The following AFF4 variants were observed in gnomAD, a reference collection of about 807,000 sequenced individuals.
AFF4 encodes ALF transcription elongation factor 4, also known as AF4/FMR2 family member 4.
A neutral mutation model predicts 124.8 loss-of-function variants in AFF4; 13 were observed. The ratio of observed to expected loss-of-function variants is 0.10; its 90% confidence interval spans 0.07 to 0.17. AFF4 has a LOEUF of 0.17. Among genes scored for constraint, AFF4 ranks in the 10% least tolerant of loss-of-function variants. The pLI is 1.00. For missense variants in AFF4, 1,092 were observed against 1,403.8 expected (o/e 0.78, Z 3.55); for synonymous variants, 477 against 496.1 (o/e 0.96, Z 0.51).
chr5:132,889,802 C>CT (rs568437572), intron 13 of AFF4, among the ~76,000 whole-genome samples: 2,252 of 152,024 alleles, frequency 0.015, 65 homozygotes, highest in African/African-American at 0.052. Flanking sequence ...ATCCACATGT[C>CT]TTTTTTTTAT....
intron 5 of AFF4, among the ~76,000 whole-genome samples, chr5:132,922,894 G>A (rs541915060): frequency 2.0e-5 from 3 of 148,618 alleles, no homozygotes; most frequent in Middle Eastern, 3.8e-3. Flanking sequence ...AAAAGAATGG[G>A]GGCCGGGCAC....
intron 5 of AFF4, among the ~76,000 whole-genome samples, chr5:132,905,048 CAA>C (rs66981854): frequency 1.4e-4 from 17 of 118,352 alleles, no homozygotes; most frequent in Admixed American, 1.8e-4. Flanking sequence ...GACTCCATCT[CAA>C]AAAAAAAAAA....
chr5:132,890,171 A>G (rs1193311729), intron 13 of AFF4, among the ~76,000 whole-genome samples: 1 of 151,052 alleles, frequency 6.6e-6, no homozygotes, highest in Non-Finnish European at 1.5e-5. Context: ...TTATATTTAT[A>G]TAAAAATATA....
At chr5:132,901,009 A>T (rs1044138280) in intron 7 of AFF4, 38 of 985,460 alleles carry the variant, frequency 3.9e-5, no homozygotes, top group Non-Finnish European at 4.3e-5. Context: ...ATTACATATT[A>T]AACACCACCT....
chr5:132,918,813 T>C (rs1411457846), intron 5 of AFF4, among the ~76,000 whole-genome samples: 1 of 151,958 alleles, frequency 6.6e-6, no homozygotes, highest in African/African-American at 2.4e-5. Flanking sequence ...CCCAAATTGA[T>C]CTATAGATCC....
chr5:132,934,112 G>C lies in AFF4; in HGVS notation c.918+35C>G, dbSNP rs779637687. On this transcript the variant is annotated intron_variant, in intron 3 of 20. Coordinates refer to ENST00000265343, the MANE Select transcript of AFF4 (RefSeq NM_014423.4). ...CATGATCAGTCAATTGCTTCACGTA[G>C]TCACAATGTTAAAAGCTCTAAATGT... 4 of 1,576,438 alleles carry C rather than the reference G, an allele frequency of 2.5e-6. No homozygotes were observed. In the Admixed American group the frequency reaches 7.1e-5, roughly 28 times the overall value.
intron 4 of AFF4, among the ~76,000 whole-genome samples, chr5:132,930,307 G>C (rs1002545679): frequency 1.3e-5 from 2 of 152,160 alleles, no homozygotes; most frequent in African/African-American, 4.8e-5. Context: ...AGAAACAAGA[G>C]AAGGCACAAG....
At chr5:132,897,508 G>A (rs1693373399) in intron 10 of AFF4, among the ~76,000 whole-genome samples, 2 of 152,134 alleles carry the variant, frequency 1.3e-5, no homozygotes, top group Admixed American at 1.3e-4. Flanking sequence ...TCAGGAGTTT[G>A]AGACCAGTCT....
chr5:132,922,794 A>C (rs1761080404), intron 5 of AFF4, among the ~76,000 whole-genome samples: 1 of 151,818 alleles, frequency 6.6e-6, no homozygotes, highest in African/African-American at 2.4e-5. Flanking sequence ...AAAAAAAAAA[A>C]AACCAAAAAC....
chr5:132,934,421 T>A lies in AFF4; in HGVS notation c.644A>T (p.Asp215Val). 6.2e-7 allele frequency: 1 copy of A among 1,614,118 alleles called. No individual in the cohort carries two copies. Among genetic ancestry groups the A allele is most frequent in the African/African-American group, 1.3e-5 (1 of 75,016 alleles). ...KEHQRSKSPR[D>V]PDANWDSPSR... ...AGGAGAATCCCAGTTTGCATCAGGG[T>A]CCCGAGGTGATTTGGAGCGTTGATG... Residue 215 changes from aspartate (D) to valine (V), a missense_variant, in exon 3 of 21, where the codon GAC (aspartate) becomes GTC (valine). Coordinates refer to ENST00000265343, the MANE Select transcript of AFF4 (RefSeq NM_014423.4).
rs1352979268 is a variant in AFF4 at position 132,887,597 on chromosome 5, T to G, written c.2934-5A>C. On this transcript the variant is annotated splice_polypyrimidine_tract_variant and splice_region_variant and intron_variant, in intron 16 of 20. Coordinates refer to ENST00000265343, the MANE Select transcript of AFF4 (RefSeq NM_014423.4). ...TTCTTTAGCTTCATAGTGTATCTGTTGAGTTACAATAACAAACAAATGACA... is the reference window on the plus strand; with the variant it reads ...TTCTTTAGCTTCATAGTGTATCTGTGGAGTTACAATAACAAACAAATGACA... 5.6e-6 allele frequency: 9 copies of G among 1,609,990 alleles called. No individual in the cohort carries two copies. In the African/African-American group the frequency reaches 1.2e-4, roughly 22 times the overall value.
rs1177250442 is a variant in AFF4, at chr5:132,875,515, G to A, written c.*5544C>T. On this transcript the variant is annotated 3_prime_UTR_variant, in exon 21 of 21. Transcript: ENST00000265343. ...AAAAGATCTTTACAAATTGAAATGTGATACCCTTGTCTCCAAATATTTTAA... is the reference window on the plus strand; with the variant it reads ...AAAAGATCTTTACAAATTGAAATGTAATACCCTTGTCTCCAAATATTTTAA... The A allele has an allele frequency of 5.3e-6, 1 of 188,978 alleles. No homozygotes were observed. The highest frequency in any genetic ancestry group is 1.1e-5 in the Non-Finnish European group (1 of 89,632). 11.7% of individuals were successfully genotyped at this position (188,978 alleles called of 1,614,324 possible). A position where few individuals can be genotyped will look rare whatever the true frequency, so the allele number is the denominator to read the frequency against.
intron 5 of AFF4, among the ~76,000 whole-genome samples, chr5:132,917,631 T>G (rs541123542): frequency 6.6e-6 from 1 of 152,154 alleles, no homozygotes; most frequent in African/African-American, 2.4e-5. Flanking sequence ...AAAAATGCTA[T>G]TAAGTAAATT....
At chr5:132,924,091 T>C (rs1761116374) in intron 5 of AFF4, among the ~76,000 whole-genome samples, 1 of 151,220 alleles carries the variant, frequency 6.6e-6, no homozygotes, top group Non-Finnish European at 1.5e-5. Flanking sequence ...CCGTCTCTAC[T>C]AAAAATACAA....
chr5:132,928,085 C>A (rs1012873344), intron 4 of AFF4, among the ~76,000 whole-genome samples: 3 of 152,046 alleles, frequency 2.0e-5, no homozygotes, highest in Non-Finnish European at 4.4e-5. Context: ...AGGAATTTAT[C>A]CCATAGCAAT....
rs775436313 is a variant in AFF4 at position 132,881,201 on chromosome 5, A to C, written c.3365-15T>G. ...AGCAAAGAATTCTAGAAAACCAAAA[A>C]CATTCATTAAATGATATATACTCTT... On this transcript the variant is annotated splice_polypyrimidine_tract_variant and intron_variant, in intron 20 of 20. Transcript: ENST00000265343. 2 of 1,612,526 alleles carry C rather than the reference A, an allele frequency of 1.2e-6. No homozygotes were observed. Among genetic ancestry groups the C allele is most frequent in the East Asian group, 4.5e-5 (2 of 44,840 alleles).
chr5:132,920,975 A>G (rs909463544), intron 5 of AFF4, among the ~76,000 whole-genome samples: 1 of 151,956 alleles, frequency 6.6e-6, no homozygotes, highest in African/African-American at 2.4e-5. Flanking sequence ...AAAATACAAA[A>G]AATTAGTCAG....
At chr5:132,923,384 G>C (rs1267004523) in intron 5 of AFF4, among the ~76,000 whole-genome samples, 8 of 151,840 alleles carry the variant, frequency 5.3e-5, no homozygotes, top group Non-Finnish European at 1.2e-4. Context: ...GAGAGAGAGA[G>C]AGAGAGAGAG....
chr5:132,896,200 G>T, intron 11 of AFF4, 123 bp downstream of exon 11: 1 of 1,173,332 alleles, frequency 8.5e-7, no homozygotes, highest in Non-Finnish European at 1.2e-6. Context: ...CCTGGGCCTT[G>T]GGTTTACCCA....
Sources: gnomAD v4.1 joint callset for allele counts (sites outside exome capture counted in the v4.1 genomes callset) on GRCh38, gnomAD v4.1.1 for gene constraint, MANE v1.5 for transcripts, NCBI Gene and HGNC (gene_info 2026-07-23, HGNC 2026-07-21) for gene names.